Variants in PCDHGA4 observed in about 807,000 individuals in gnomAD.
PCDHGA4 encodes protocadherin gamma-A4.
A neutral mutation model predicts 54.6 loss-of-function variants in PCDHGA4; 38 were observed. The ratio of observed to expected loss-of-function variants is 0.70; its 90% confidence interval spans 0.54 to 0.91. PCDHGA4 has a LOEUF of 0.91. PCDHGA4 is among the 40% of genes least tolerant of loss of function. The pLI, the probability that PCDHGA4 is intolerant of heterozygous loss-of-function variation, is 0.00. For missense variants in PCDHGA4, 1,298 were observed against 1,220.9 expected, an observed-to-expected ratio of 1.06 and a Z score of -0.94; for synonymous variants, 511 against 512.9, an observed-to-expected ratio of 1.00 and a Z score of 0.05.
chr5:141,449,900 A>G (rs2098658617), intron 1 of PCDHGA4, among the ~76,000 whole-genome samples: 2 of 151,878 alleles, frequency 1.3e-5, no homozygotes, highest in South Asian at 2.1e-4. Context: ...TATTTAGCCT[A>G]TAGTCCATAT....
chr5:141,362,084 G>T lies in PCDHGA4; in HGVS notation c.2514+4463G>T, dbSNP rs373978037. 6.6e-5 allele frequency: 107 copies of T among 1,613,188 alleles called. No homozygotes were observed. In the African/African-American group the frequency reaches 1.3e-3, roughly 20 times the overall value. The stretch of plus-strand genomic sequence containing the variant: ...CTGCTGGTCGCTGTGCGTGATGGAG[G>T]ACAGCCGCCACTCTCCGCTACGGCC... On this transcript the variant is annotated intron_variant, in intron 1 of 3. Coordinates refer to ENST00000571252, the MANE Select transcript of PCDHGA4 (RefSeq NM_018917.4).
intron 1 of PCDHGA4, chr5:141,409,728 C>G (rs13184503): frequency 6.2e-7 from 1 of 1,613,134 alleles, no homozygotes; most frequent in Admixed American, 1.7e-5. Flanking sequence ...TCAGTGAGCG[C>G]GCAGAGCGGG....
At chr5:141,360,479 A>G in intron 1 of PCDHGA4, 2 of 1,613,948 alleles carry the variant, frequency 1.2e-6, no homozygotes, top group Non-Finnish European at 1.7e-6. Flanking sequence ...AATCCACTAA[A>G]TATTTTCTAC....
rs773899530 is a variant in PCDHGA4 at position 141,494,864 on chromosome 5, G to C, written c.2572G>C (p.Gly858Arg). ...FSQAQRPGTS[G>R]SQNGDDTGTW... ...TCAGGCCCAGAGACCCGGCACCAGCGGGTAGGTGACTGATTCTCCAGCCCA... is the reference window on the plus strand; with the variant it reads ...TCAGGCCCAGAGACCCGGCACCAGCCGGTAGGTGACTGATTCTCCAGCCCA... The change falls in exon 2 of 4, where the codon GGC becomes CGC. Residue 858 changes from glycine (G) to arginine (R), a missense_variant and splice_region_variant. Transcript: ENST00000571252. The C allele has an allele frequency of 1.2e-6, 2 of 1,614,068 alleles. No individual in the cohort carries two copies. Among genetic ancestry groups the C allele is most frequent in the Middle Eastern group, 1.6e-4 (1 of 6,062 alleles).
chr5:141,452,710 G>GAAGT (rs1343622540), intron 1 of PCDHGA4, among the ~76,000 whole-genome samples: 1 of 151,996 alleles, frequency 6.6e-6, no homozygotes, highest in Non-Finnish European at 1.5e-5. Flanking sequence ...AGAAAGGAAG[G>GAAGT]AATGAGGGAG....
At chr5:141,373,523 C>T (rs2150024723) in intron 1 of PCDHGA4, among the ~76,000 whole-genome samples, 1 of 152,052 alleles carries the variant, frequency 6.6e-6, no homozygotes, top group African/African-American at 2.4e-5. Flanking sequence ...ACTTTGTCTC[C>T]AAAAAAGTGT....
At chr5:141,365,060 C>G (rs750087491) in intron 1 of PCDHGA4, 1 of 1,613,874 alleles carries the variant, frequency 6.2e-7, no homozygotes, top group Admixed American at 1.7e-5. Context: ...CCTGTTCACC[C>G]CATCCGAGTA....
chr5:141,362,595 T>C, intron 1 of PCDHGA4: 3 of 1,586,430 alleles, frequency 1.9e-6, no homozygotes, highest in Non-Finnish European at 2.6e-6. Flanking sequence ...CTGGTTTTAT[T>C]GTTTCACCTA....
At chr5:141,413,082 A>T in intron 1 of PCDHGA4, 8 of 1,344,446 alleles carry the variant, frequency 6.0e-6, no homozygotes, top group Non-Finnish European at 8.1e-6. Context: ...CCCAGGCTAC[A>T]GAGACACCCT....
intron 1 of PCDHGA4, chr5:141,397,891 A>G: frequency 3.2e-6 from 2 of 631,130 alleles, no homozygotes; most frequent in Non-Finnish European, 5.3e-6. Context: ...CTGTTGGCCA[A>G]AGTGCAGAGC....
At chr5:141,381,657 C>A (rs1224064730) in intron 1 of PCDHGA4, among the ~76,000 whole-genome samples, 1 of 152,134 alleles carries the variant, frequency 6.6e-6, no homozygotes, top group Non-Finnish European at 1.5e-5. Context: ...AAATGGGTTG[C>A]TTCTATAGCT....
Position 141,356,695 on chromosome 5 carries a change from G to T in PCDHGA4, c.1588G>T (p.Ala530Ser). 2 of 1,614,004 alleles carry T rather than the reference G, an allele frequency of 1.2e-6. No individual in the cohort carries two copies. The highest frequency in any genetic ancestry group is 1.7e-6 in the Non-Finnish European group (2 of 1,179,888). The change falls in exon 1 of 4, where the codon GCA becomes TCA. Residue 530 changes from alanine (A) to serine (S), a missense_variant. Ala to Ser is a moderately conservative substitution (Grantham distance 99, BLOSUM62 1). Coordinates refer to ENST00000571252, the MANE Select transcript of PCDHGA4 (RefSeq NM_018917.4). ...CCTGGCCGAAGACACCTTCCAGGGT[G>T]CACCTCTGTCCTCCTATGTCTCCAT... ...YSLAEDTFQGAPLSSYVSINS... is the reference protein window; with the variant it reads ...YSLAEDTFQGSPLSSYVSINS...
intron 1 of PCDHGA4, chr5:141,421,183 A>G (rs1286755310): frequency 2.7e-6 from 4 of 1,457,360 alleles, no homozygotes; most frequent in Admixed American, 4.8e-5. Flanking sequence ...CCGATTCACA[A>G]CCAACCAGCT....
intron 1 of PCDHGA4, chr5:141,405,172 T>G: frequency 1.2e-6 from 2 of 1,614,092 alleles, no homozygotes; most frequent in African/African-American, 2.7e-5. Flanking sequence ...CCTCACACTT[T>G]GTGGGTGTAG....
chr5:141,366,976 A>C, intron 1 of PCDHGA4: 1 of 544,366 alleles, frequency 1.8e-6, no homozygotes, highest in Non-Finnish European at 3.0e-6. Flanking sequence ...AAATACCTTA[A>C]AGGAAAGTGG....
intron 2 of PCDHGA4, among the ~76,000 whole-genome samples, chr5:141,499,317 A>G (rs532848559): frequency 7.9e-5 from 12 of 152,354 alleles, no homozygotes; most frequent in Admixed American, 1.3e-4. Context: ...GAGAGACAGT[A>G]TCCCTGCTCT....
In PCDHGA4 at chr5:141,433,028, G is replaced by T. The variant is rs539293579; in HGVS notation, c.2515-61779G>T. 27 of 1,614,116 alleles carry T rather than the reference G, an allele frequency of 1.7e-5. No individual in the cohort carries two copies. The highest frequency in any genetic ancestry group is 6.7e-5 in the Admixed American group (4 of 60,018). On this transcript the variant is annotated intron_variant, in intron 1 of 3. Coordinates refer to ENST00000571252, the MANE Select transcript of PCDHGA4 (RefSeq NM_018917.4). ...TTTCCTGCAGACCTATTCCCACGAG[G>T]TTTCCCTCACCACGGACTCGCGGAA...
intron 1 of PCDHGA4, chr5:141,428,211 C>T (rs777952475): frequency 2.2e-5 from 28 of 1,284,198 alleles, no homozygotes; most frequent in South Asian, 4.9e-5. Flanking sequence ...CTACGCTTCA[C>T]CTAGTCTTCG....
rs1326093295 is a variant in PCDHGA4 at position 141,364,677 on chromosome 5, T to TTTC, written c.2514+7058_2514+7059insCTT. The stretch of plus-strand genomic sequence containing the variant: ...ATCTTGGTTGAGAACAAAATGAAAA[T>TTTC]TTATGGAGTAGAAGTAGAAATAATC... On this transcript the variant is annotated intron_variant, in intron 1 of 3. Coordinates refer to ENST00000571252, the MANE Select transcript of PCDHGA4 (RefSeq NM_018917.4). The TTTC allele has an allele frequency of 3.7e-6, 6 of 1,613,806 alleles. No homozygotes were observed. In the African/African-American group the frequency reaches 6.7e-5, roughly 18 times the overall value.
Sources: gnomAD v4.1 joint callset for allele counts (sites outside exome capture counted in the v4.1 genomes callset) on GRCh38, gnomAD v4.1.1 for gene constraint, MANE v1.5 for transcripts, NCBI Gene and HGNC (gene_info 2026-07-23, HGNC 2026-07-21) for gene names.